The following ACSM2B variants were observed in gnomAD, a reference collection of about 807,000 sequenced individuals.
ACSM2B encodes the protein acyl-coenzyme A synthetase ACSM2B, mitochondrial.
Under a neutral mutation model 78.6 loss-of-function variants are expected in ACSM2B, and 58 were observed. The ratio of observed to expected loss-of-function variants is 0.74; its 90% confidence interval spans 0.60 to 0.92. The LOEUF (loss-of-function observed/expected upper bound fraction) is 0.92. ACSM2B is among the 40% of genes least tolerant of loss of function. The pLI is 0.00. For synonymous variants in ACSM2B, 257 were observed against 256.8 expected, an observed-to-expected ratio of 1.00 and a Z score of -0.01; for missense variants, 688 against 711.2, an observed-to-expected ratio of 0.97 and a Z score of 0.37.
At position 20,555,123 on chromosome 16, in the gene ACSM2B, G is replaced by A. The variant is rs1398239790; in HGVS notation, c.596+146C>T. On this transcript the variant is annotated intron_variant, in intron 4 of 13. Coordinates refer to ENST00000329697, the MANE Select transcript of ACSM2B (RefSeq NM_001105069.2). ...CAATGACTTGAAAAAAAAAACCCTTGTATTAGCTTTTATTTCTTCCCAGCT... is the reference window on the plus strand; with the variant it reads ...CAATGACTTGAAAAAAAAAACCCTTATATTAGCTTTTATTTCTTCCCAGCT... 2.8e-5 allele frequency: 37 copies of A among 1,307,346 alleles called. No homozygotes were observed. The Admixed American group carries it at 8.2e-4, about 29-fold the overall frequency. The allele number at this position is 1,307,346 out of a possible 1,614,324, so 81.0% of individuals were successfully genotyped here. A position where few individuals can be genotyped will look rare whatever the true frequency, so the allele number is the denominator to read the frequency against.
chr16:20,541,402 C>G (rs2014984021), intron 12 of ACSM2B: 1 of 152,216 alleles, frequency 6.6e-6, no homozygotes, highest in Non-Finnish European at 1.5e-5. Context: ...TCAAAGTCCA[C>G]TAGACCCCAT....
At chr16:20,555,162 T>A in intron 4 of ACSM2B, 107 bp downstream of exon 4, 1 of 1,551,236 alleles carries the variant, frequency 6.4e-7, no homozygotes, top group Admixed American at 1.7e-5. Context: ...CTCTTCCTAG[T>A]CCCATGCTGT....
chr16:20,571,193 A>G (rs2016085236), intron 1 of ACSM2B, among the ~76,000 whole-genome samples: 1 of 151,818 alleles, frequency 6.6e-6, no homozygotes, highest in African/African-American at 2.4e-5. Context: ...AGACTTTTTG[A>G]TGAAGGCATT....
chr16:20,566,682 G>GTATATACTATATATACTA lies in ACSM2B; in HGVS notation c.-8-1830_-8-1829insTAGTATATATAGTATATA, dbSNP rs2015871942. ...TATGTATATATAGTATATACATATA[G>GTATATACTATATATACTA]TATATACTATATATAGTATATATAT... On this transcript the variant is annotated intron_variant, in intron 1 of 13. Transcript: ENST00000329697. Among the ~76,000 whole-genome samples, 38 of 4,026 alleles carry GTATATACTATATATACTA rather than the reference G, an allele frequency of 9.4e-3. 3 individuals carry two copies. The highest frequency in any genetic ancestry group is 0.021 in the Admixed American group (3 of 146). 2.6% of individuals were successfully genotyped at this position (4,026 alleles called of 152,430 possible).
chr16:20,556,748 C>T (rs1272477433), intron 3 of ACSM2B, among the ~76,000 whole-genome samples: 7 of 152,206 alleles, frequency 4.6e-5, no homozygotes, highest in African/African-American at 7.2e-5. Context: ...TCTCACTGCA[C>T]ACCTGTAAAT....
intron 8 of ACSM2B, chr16:20,547,377 T>A (rs1422346839): frequency 2.0e-6 from 2 of 985,218 alleles, no homozygotes; most frequent in Non-Finnish European, 2.4e-6. Flanking sequence ...CTGCAAAAGT[T>A]CTACCAAGGG....
chr16:20,564,170 T>C (rs1460573239), intron 2 of ACSM2B, among the ~76,000 whole-genome samples: 2 of 152,136 alleles, frequency 1.3e-5, no homozygotes, highest in African/African-American at 4.8e-5. Flanking sequence ...CACAGTTCAC[T>C]GCAGCCTCCA....
chr16:20,566,007 T>C (rs1230014701), intron 1 of ACSM2B, among the ~76,000 whole-genome samples: 2 of 150,898 alleles, frequency 1.3e-5, no homozygotes, highest in Non-Finnish European at 2.9e-5. Flanking sequence ...TCATTGCTTT[T>C]TATGGCTGAG....
chr16:20,549,614 T>C (rs1324024170), intron 6 of ACSM2B: 8 of 280,148 alleles, frequency 2.9e-5, no homozygotes, highest in Admixed American at 4.8e-5. Flanking sequence ...CTCTGTAAAA[T>C]ATTTGAAGAG....
intron 1 of ACSM2B, among the ~76,000 whole-genome samples, chr16:20,573,095 T>C (rs2016137889): frequency 1.3e-5 from 2 of 151,524 alleles, no homozygotes; most frequent in African/African-American, 4.8e-5. Context: ...TTTGGATCCA[T>C]TGCTGGTGAG....
chr16:20,550,120 A>G (rs757577488), intron 6 of ACSM2B, among the ~76,000 whole-genome samples: 2 of 152,124 alleles, frequency 1.3e-5, no homozygotes, highest in African/African-American at 2.4e-5. Context: ...TTTTAAAAGA[A>G]CCCTGGCTGA....
intron 6 of ACSM2B, among the ~76,000 whole-genome samples, chr16:20,549,438 G>C (rs2015238403): frequency 6.6e-6 from 1 of 152,052 alleles, no homozygotes; most frequent in Non-Finnish European, 1.5e-5. Flanking sequence ...TCATGAGGTA[G>C]AGCAAAACTG....
At chr16:20,545,135 G>T in intron 10 of ACSM2B, 22 bp downstream of exon 10, 1 of 1,603,420 alleles carries the variant, frequency 6.2e-7, no homozygotes, top group Non-Finnish European at 8.5e-7. Flanking sequence ...GGGAACAGAG[G>T]AGGAGAAGCA....
intron 2 of ACSM2B, among the ~76,000 whole-genome samples, chr16:20,560,108 T>A (rs948695585): frequency 3.3e-5 from 5 of 150,958 alleles, no homozygotes; most frequent in Non-Finnish European, 5.9e-5. Context: ...CCACCATCCA[T>A]CTCCCGAAGT....
intron 1 of ACSM2B, among the ~76,000 whole-genome samples, chr16:20,570,371 T>C (rs1287983319): frequency 6.6e-6 from 1 of 152,080 alleles, no homozygotes; most frequent in Non-Finnish European, 1.5e-5. Context: ...ATTTATTGAC[T>C]TGTGTATGTT....
At position 20,555,359 on chromosome 16, in the gene ACSM2B, G is replaced by C. The variant is rs774653362; in HGVS notation, c.506C>G (p.Thr169Arg). The stretch of plus-strand genomic sequence containing the variant: ...CAGAGAAGGACATTCAGATGCCACT[G>C]TGTCCACTTCTTGGATGACTTCATC... Reference protein sequence around the residue: ...AGDEVIQEVDTVASECPSLRI... With the variant: ...AGDEVIQEVDRVASECPSLRI... The change falls in exon 4 of 14, where the codon ACA (threonine) becomes AGA (arginine). Residue 169 changes from threonine to arginine, a missense_variant. Thr to Arg is a moderately conservative substitution (Grantham distance 71). Coordinates refer to ENST00000329697, the MANE Select transcript of ACSM2B (RefSeq NM_001105069.2). 6.2e-7 allele frequency: 1 copy of C among 1,613,952 alleles called. No individual in the cohort carries two copies. The highest frequency in any genetic ancestry group is 8.5e-7 in the Non-Finnish European group (1 of 1,179,850).
chr16:20,548,557 T>C, intron 6 of ACSM2B, 84 bp from the exon 7 acceptor site: 3 of 1,605,118 alleles, frequency 1.9e-6, no homozygotes, highest in Non-Finnish European at 2.6e-6. Context: ...AATTGTGAGC[T>C]ATGGAGTTGT....
chr16:20,541,750 TC>T (rs1466177501), intron 12 of ACSM2B: 1 of 140,898 alleles, frequency 7.1e-6, no homozygotes, highest in African/African-American at 2.6e-5. Context: ...AGGCGCGATC[TC>T]GGCTCACTGC....
At chr16:20,566,990 T>G (rs912461090) in intron 1 of ACSM2B, among the ~76,000 whole-genome samples, 9 of 122,848 alleles carry the variant, frequency 7.3e-5, no homozygotes, top group Non-Finnish European at 1.6e-5. Context: ...CTGTTATATA[T>G]TATATATATC....
Sources: gnomAD v4.1 joint callset for allele counts (sites outside exome capture counted in the v4.1 genomes callset) on GRCh38, gnomAD v4.1.1 for gene constraint, MANE v1.5 for transcripts, NCBI Gene and HGNC (gene_info 2026-07-23, HGNC 2026-07-21) for gene names.